The following GRIN2A variants were observed in gnomAD, a reference collection of about 807,000 sequenced individuals.
GRIN2A encodes the protein glutamate receptor ionotropic, NMDA 2A.
Under a neutral mutation model 113.4 loss-of-function variants are expected in GRIN2A, and 22 were observed. That is an observed-to-expected ratio of 0.19 (90% confidence interval 0.14 to 0.28). GRIN2A has a LOEUF of 0.28. Ranked by LOEUF, GRIN2A falls within the 10% of genes least tolerant of loss-of-function variation. The pLI is 1.00. For missense variants in GRIN2A, 1,502 were observed against 1,887.0 expected, an observed-to-expected ratio of 0.80 and a Z score of 3.78; for synonymous variants, 827 against 738.4, an observed-to-expected ratio of 1.12 and a Z score of -1.94.
chr16:9,902,761 T>A (rs1175749641), intron 3 of GRIN2A, among the ~76,000 whole-genome samples: 1 of 151,918 alleles, frequency 6.6e-6, no homozygotes, highest in Non-Finnish European at 1.5e-5. Flanking sequence ...CCTACTCCCA[T>A]GAATACACAA....
At chr16:9,767,589 A>C (rs1034103715) in intron 12 of GRIN2A, among the ~76,000 whole-genome samples, 4 of 152,226 alleles carry the variant, frequency 2.6e-5, no homozygotes, top group East Asian at 1.9e-4. Flanking sequence ...CAAAAACAAA[A>C]AAAAACACAA....
intron 2 of GRIN2A, among the ~76,000 whole-genome samples, chr16:9,976,577 G>A (rs565491714): frequency 6.6e-6 from 1 of 152,350 alleles, no homozygotes; most frequent in Non-Finnish European, 1.5e-5. Flanking sequence ...TGAACCAACT[G>A]AGACTCAGAA....
intron 2 of GRIN2A, among the ~76,000 whole-genome samples, chr16:9,964,058 G>A (rs2045502402): frequency 6.6e-6 from 1 of 152,206 alleles, no homozygotes. Flanking sequence ...TGGGTTGATT[G>A]CAAATTTGGA....
At chr16:9,835,346 G>T (rs2042568013) in intron 7 of GRIN2A, among the ~76,000 whole-genome samples, 2 of 152,198 alleles carry the variant, frequency 1.3e-5, no homozygotes, top group South Asian at 2.1e-4. Flanking sequence ...TAGGCAGTAG[G>T]TGGATGTCTT....
chr16:9,817,135 A>G (rs958198809), intron 10 of GRIN2A, among the ~76,000 whole-genome samples: 3 of 152,206 alleles, frequency 2.0e-5, no homozygotes, highest in African/African-American at 7.2e-5. Flanking sequence ...AGGGATTCCA[A>G]AGACAAGCAT....
At chr16:9,969,049 T>TC (rs1313801991) in intron 2 of GRIN2A, among the ~76,000 whole-genome samples, 2 of 152,346 alleles carry the variant, frequency 1.3e-5, no homozygotes, top group Non-Finnish European at 2.9e-5. Flanking sequence ...TTCTTTTTTT[T>TC]CACAGCAAGT....
chr16:9,931,077 C>A (rs9932766), intron 3 of GRIN2A, among the ~76,000 whole-genome samples: 1 of 152,260 alleles, frequency 6.6e-6, no homozygotes, highest in African/African-American at 2.4e-5. Context: ...CATAACTCTC[C>A]TGGGATAAGA....
Position 9,826,518 on chromosome 16 carries a change from TAAAC to T in GRIN2A, c.2007+2901_2007+2904del, listed in dbSNP as rs148015453. Among the ~76,000 whole-genome samples, 1,278 of 152,184 alleles carry T rather than the reference TAAAC, an allele frequency of 8.4e-3. 21 individuals are homozygous for T. The highest frequency in any genetic ancestry group is 0.029 in the African/African-American group (1,199 of 41,508). On this transcript the variant is annotated intron_variant, in intron 9 of 12. Coordinates refer to ENST00000330684, the MANE Select transcript of GRIN2A (RefSeq NM_001134407.3). The stretch of plus-strand genomic sequence containing the variant: ...TGAGTTGTTACACAGGTATTCATGA[TAAAC>T]AAACAACAAAAAAACAAAAACAAAA...
chr16:9,857,037 G>A (rs1046227575), intron 4 of GRIN2A, among the ~76,000 whole-genome samples: 11 of 152,144 alleles, frequency 7.2e-5, no homozygotes, highest in African/African-American at 9.7e-5. Context: ...TACCTGTGTC[G>A]TCTTATAACC....
chr16:9,903,079 C>G (rs922024914), intron 3 of GRIN2A, among the ~76,000 whole-genome samples: 1 of 151,716 alleles, frequency 6.6e-6, no homozygotes, highest in African/African-American at 2.4e-5. Context: ...AGCGATTCAC[C>G]TGCCTTAGCC....
chr16:10,179,893 C>CCCCACCCAAAAAAA, intron 2 of GRIN2A, 105 bp downstream of exon 2: 1 of 719,818 alleles, frequency 1.4e-6, no homozygotes, highest in Non-Finnish European at 2.4e-6. Context: ...CCCCCACCCC[C>CCCCACCCAAAAAAA]ACTTCACATC....
intron 10 of GRIN2A, among the ~76,000 whole-genome samples, chr16:9,805,114 CTGTTTA>C (rs993253664): frequency 6.6e-6 from 1 of 152,118 alleles, no homozygotes; most frequent in Non-Finnish European, 1.5e-5. Flanking sequence ...AGCCCCAAGA[CTGTTTA>C]CTGGCAAATC....
chr16:9,977,598 G>A (rs2045801254), intron 2 of GRIN2A, among the ~76,000 whole-genome samples: 1 of 152,158 alleles, frequency 6.6e-6, no homozygotes, highest in Non-Finnish European at 1.5e-5. Context: ...AGAGTGGAAG[G>A]CAGAGCTCAA....
intron 2 of GRIN2A, among the ~76,000 whole-genome samples, chr16:10,058,763 C>A (rs1055127559): frequency 6.6e-6 from 1 of 152,162 alleles, no homozygotes; most frequent in African/African-American, 2.4e-5. Context: ...GCTCATTCAT[C>A]CCCCAAATTC....
At chr16:9,789,900 G>T (rs1241755077) in intron 11 of GRIN2A, among the ~76,000 whole-genome samples, 1 of 152,206 alleles carries the variant, frequency 6.6e-6, no homozygotes, top group African/African-American at 2.4e-5. Context: ...GGTTTGCATG[G>T]AAGAAAGGGA....
At chr16:10,141,739 T>G (rs1241793927) in intron 2 of GRIN2A, among the ~76,000 whole-genome samples, 1 of 152,242 alleles carries the variant, frequency 6.6e-6, no homozygotes, top group East Asian at 1.9e-4. Context: ...ATTTACACTA[T>G]GGCATGCCAT....
chr16:10,160,279 G>A (rs2142322317), intron 2 of GRIN2A, among the ~76,000 whole-genome samples: 1 of 152,282 alleles, frequency 6.6e-6, no homozygotes, highest in Non-Finnish European at 1.5e-5. Flanking sequence ...ATAGAATGAT[G>A]AAGTCATCAA....
At chr16:9,843,005 GAA>G (rs764303064) in intron 5 of GRIN2A, among the ~76,000 whole-genome samples, 6 of 146,952 alleles carry the variant, frequency 4.1e-5, no homozygotes, top group African/African-American at 1.0e-4. Flanking sequence ...GAGAGAAACA[GAA>G]AGAGAAAAAG....
chr16:10,073,054 C>G (rs2047791073), intron 2 of GRIN2A, among the ~76,000 whole-genome samples: 1 of 146,316 alleles, frequency 6.8e-6, no homozygotes. Context: ...CTCCCTAGTT[C>G]AAGAGATTCC....
Sources: gnomAD v4.1 joint callset for allele counts (sites outside exome capture counted in the v4.1 genomes callset) on GRCh38, gnomAD v4.1.1 for gene constraint, MANE v1.5 for transcripts, NCBI Gene and HGNC (gene_info 2026-07-23, HGNC 2026-07-21) for gene names.